Variants in RAPGEF4 observed in about 807,000 individuals in gnomAD.
RAPGEF4 encodes Rap guanine nucleotide exchange factor 4.
Under a neutral mutation model 147.9 loss-of-function variants are expected in RAPGEF4, and 66 were observed. That is an observed-to-expected ratio of 0.45 (90% CI 0.37 to 0.55). The LOEUF is 0.55. Ranked by LOEUF, RAPGEF4 falls within the 20% of genes least tolerant of loss-of-function variation. The pLI, the probability that RAPGEF4 is intolerant of heterozygous loss-of-function variation, is 0.00. For synonymous variants in RAPGEF4, 419 were observed against 442.7 expected, an observed-to-expected ratio of 0.95 and a Z score of 0.67; for missense variants, 1,071 against 1,257.3, an observed-to-expected ratio of 0.85 and a Z score of 2.24.
chr2:172,974,456 C>A (rs1398008527), intron 10 of RAPGEF4, among the ~76,000 whole-genome samples: 1 of 152,000 alleles, frequency 6.6e-6, no homozygotes, highest in African/African-American at 2.4e-5. Context: ...GGCTGAGGCA[C>A]CCAGATCACT....
intron 17 of RAPGEF4, among the ~76,000 whole-genome samples, chr2:173,001,993 C>CAAAAAAGAAAAAAAAAAAAAAAAA (rs1693971103): frequency 1.3e-5 from 1 of 79,322 alleles, no homozygotes; most frequent in Non-Finnish European, 2.5e-5. Context: ...GTGATGCTGG[C>CAAAAAAGAAAAAAAAAAAAAAAAA]AAAAAAAAAA....
At chr2:172,936,590 G>GT (rs58339466) in intron 6 of RAPGEF4, among the ~76,000 whole-genome samples, 6,186 of 143,792 alleles carry the variant, frequency 0.043, 409 homozygotes, top group East Asian at 0.34. Context: ...CATTTTTATT[G>GT]TTTTTTTTTT....
Position 172,795,634 on chromosome 2 carries a change from A to G in RAPGEF4, c.208+467A>G, listed in dbSNP as rs960027763. On this transcript the variant is annotated intron_variant, in intron 2 of 30. Coordinates refer to ENST00000397081, the MANE Select transcript of RAPGEF4 (RefSeq NM_007023.4). ...TGGATTTTTTAAAAAGTATTTTTTCATTAAAGAAGTAATAGTTCTTCTGTT... is the reference window on the plus strand; with the variant it reads ...TGGATTTTTTAAAAAGTATTTTTTCGTTAAAGAAGTAATAGTTCTTCTGTT... 4.4e-4 allele frequency among the ~76,000 whole-genome samples: 67 copies of G among 152,328 alleles called. 1 individual carries two copies. Among genetic ancestry groups the G allele is most frequent in the African/African-American group, 8.4e-4 (35 of 41,574 alleles).
At position 173,005,498 on chromosome 2, in the gene RAPGEF4, G is replaced by T. The variant is rs1238598662; in HGVS notation, c.1658+4154G>T. ...CAAAAAAGTCTGGTATATTATTTTT[G>T]TTGTTGTTGTTGTTGTTTTGTGTTT... On this transcript the variant is annotated intron_variant, in intron 17 of 30. Coordinates refer to ENST00000397081, the MANE Select transcript of RAPGEF4 (RefSeq NM_007023.4). Among the ~76,000 whole-genome samples the T allele has an allele frequency of 6.4e-5, 7 of 109,732 alleles. 1 individual carries two copies. Among genetic ancestry groups the T allele is most frequent in the African/African-American group, 2.2e-4 (5 of 23,112 alleles). The allele number at this position is 109,732 out of a possible 152,430, so 72.0% of individuals were successfully genotyped here.
intron 8 of RAPGEF4, among the ~76,000 whole-genome samples, chr2:172,961,647 C>T (rs1317826867): frequency 6.6e-6 from 1 of 152,156 alleles, no homozygotes; most frequent in East Asian, 1.9e-4. Context: ...GACCATTTTT[C>T]AGATAACAAA....
At chr2:172,871,158 T>C (rs1434858267) in intron 4 of RAPGEF4, among the ~76,000 whole-genome samples, 1 of 152,238 alleles carries the variant, frequency 6.6e-6, no homozygotes, top group Non-Finnish European at 1.5e-5. Context: ...GACTGTATCA[T>C]ATCTGAAATC....
At chr2:172,810,242 T>C (rs969523153) in intron 3 of RAPGEF4, among the ~76,000 whole-genome samples, 2 of 152,220 alleles carry the variant, frequency 1.3e-5, no homozygotes, top group African/African-American at 4.8e-5. Flanking sequence ...GCTCAACCTA[T>C]AAAATAGCAA....
rs528796747 is a variant in RAPGEF4, at chr2:172,793,257, C to T, written c.66-1768C>T. Among the ~76,000 whole-genome samples, 8 of 152,192 alleles carry T rather than the reference C, an allele frequency of 5.3e-5. No homozygotes were observed. The South Asian group carries it at 1.7e-3, about 32-fold the overall frequency. ...TAGGGCCAACCATAATCCAGTGTGA[C>T]CTCATCTTAATTTGATTGCATCTAC... On this transcript the variant is annotated intron_variant, in intron 1 of 30. Coordinates refer to ENST00000397081, the MANE Select transcript of RAPGEF4 (RefSeq NM_007023.4).
intron 1 of RAPGEF4, among the ~76,000 whole-genome samples, chr2:172,747,914 G>A (rs150544599): frequency 6.6e-6 from 1 of 152,226 alleles, no homozygotes; most frequent in East Asian, 1.9e-4. Flanking sequence ...AAGATCATGC[G>A]GTATTTGTAT....
At chr2:172,741,762 C>A (rs1694318252) in intron 1 of RAPGEF4, among the ~76,000 whole-genome samples, 1 of 152,332 alleles carries the variant, frequency 6.6e-6, no homozygotes, top group African/African-American at 2.4e-5. Context: ...TCCTTGACCT[C>A]CTGGGTTCAA....
intron 1 of RAPGEF4, among the ~76,000 whole-genome samples, chr2:172,759,925 T>G (rs1382589787): frequency 6.6e-6 from 1 of 152,230 alleles, no homozygotes; most frequent in African/African-American, 2.4e-5. Flanking sequence ...AAAGGCAGAC[T>G]GGCTTGGGCC....
At chr2:172,789,180 C>A (rs899085512) in intron 1 of RAPGEF4, among the ~76,000 whole-genome samples, 1 of 152,218 alleles carries the variant, frequency 6.6e-6, no homozygotes, top group Non-Finnish European at 1.5e-5. Context: ...TTGATTAGGT[C>A]AGGCCCAACC....
chr2:172,769,162 A>G (rs1040325287), intron 1 of RAPGEF4, among the ~76,000 whole-genome samples: 1 of 152,152 alleles, frequency 6.6e-6, no homozygotes, highest in Non-Finnish European at 1.5e-5. Context: ...TGTTAGGGTA[A>G]AAGGAATTTT....
intron 11 of RAPGEF4, among the ~76,000 whole-genome samples, chr2:172,985,223 G>A (rs1484192203): frequency 1.3e-5 from 2 of 152,170 alleles, no homozygotes; most frequent in Non-Finnish European, 2.9e-5. Context: ...TTAGCTATAA[G>A]CTATTCTATA....
At chr2:172,996,408 T>G in intron 15 of RAPGEF4, 58 bp from the exon 16 acceptor site, 1 of 1,052,540 alleles carries the variant, frequency 9.5e-7, no homozygotes, top group South Asian at 1.7e-5. Context: ...TAAGTAAAAG[T>G]TTTTTTAATG....
chr2:172,889,279 T>C (rs1697607430), intron 4 of RAPGEF4, among the ~76,000 whole-genome samples: 1 of 152,120 alleles, frequency 6.6e-6, no homozygotes, highest in African/African-American at 2.4e-5. Flanking sequence ...GCTTTTAACA[T>C]CCTTTTGGCA....
chr2:173,019,627 G>C (rs773352224), intron 22 of RAPGEF4, among the ~76,000 whole-genome samples: 8 of 152,230 alleles, frequency 5.3e-5, no homozygotes, highest in Non-Finnish European at 8.8e-5. Flanking sequence ...TAAGGTGAAT[G>C]ATTCCACTGA....
chr2:172,889,357 T>C (rs1189574736), intron 4 of RAPGEF4, among the ~76,000 whole-genome samples: 1 of 152,156 alleles, frequency 6.6e-6, no homozygotes, highest in Non-Finnish European at 1.5e-5. Flanking sequence ...ATAATACTTA[T>C]ACATAGTAAT....
In RAPGEF4 at chr2:173,051,888, C is replaced by T; in HGVS notation, c.*121C>T. 1 of 1,181,190 alleles carries T rather than the reference C, an allele frequency of 8.5e-7. No individual in the cohort carries two copies. The highest frequency in any genetic ancestry group is 1.2e-6 in the Non-Finnish European group (1 of 829,068). The allele number at this position is 1,181,190 out of a possible 1,614,324, so 73.2% of individuals were successfully genotyped here. On this transcript the variant is annotated 3_prime_UTR_variant, in exon 31 of 31. Transcript: ENST00000397081. Reference sequence around the variant, plus strand: ...TCTACAAAACAAGCAAAAACACATCCTGAGACACCTCAGGGCTGCATTCAG... The same window carrying T: ...TCTACAAAACAAGCAAAAACACATCTTGAGACACCTCAGGGCTGCATTCAG...
Sources: allele counts gnomAD v4.1 joint callset (sites outside exome capture counted in the v4.1 genomes callset), GRCh38; gene constraint gnomAD v4.1.1; transcripts MANE v1.5; gene names NCBI Gene and HGNC (gene_info 2026-07-23, HGNC 2026-07-21).